Variants in NTM observed in about 807,000 individuals in gnomAD.
NTM encodes IgLON family member 2.
In NTM, 13 loss-of-function variants were observed where a neutral mutation model predicts 42.1. The ratio of observed to expected loss-of-function variants is 0.31; its 90% confidence interval spans 0.20 to 0.49. The LOEUF is 0.49. NTM is among the 20% of genes least tolerant of loss of function. NTM has a pLI of 0.99. For synonymous variants in NTM, 187 were observed against 179.2 expected, an observed-to-expected ratio of 1.04 and a Z score of -0.35; for missense variants, 373 against 452.8, an observed-to-expected ratio of 0.82 and a Z score of 1.60.
At chr11:131,625,061 T>C (rs1266188382) in intron 1 of NTM, among the ~76,000 whole-genome samples, 12 of 152,242 alleles carry the variant, frequency 7.9e-5, no homozygotes, top group Non-Finnish European at 2.9e-5. Flanking sequence ...GTCACTGAGC[T>C]GGAAACAGTT....
chr11:131,610,059 C>T (rs574711318), intron 1 of NTM, among the ~76,000 whole-genome samples: 1 of 152,324 alleles, frequency 6.6e-6, no homozygotes, highest in South Asian at 2.1e-4. Flanking sequence ...AATGCAAAGG[C>T]ACAGATGACT....
At chr11:131,429,201 A>G (rs1301839192) in intron 1 of NTM, among the ~76,000 whole-genome samples, 2 of 152,230 alleles carry the variant, frequency 1.3e-5, no homozygotes, top group Non-Finnish European at 2.9e-5. Context: ...AAGAAAACTG[A>G]AAATGAACGT....
intron 1 of NTM, among the ~76,000 whole-genome samples, chr11:131,695,489 A>G (rs1181395967): frequency 6.6e-6 from 1 of 152,226 alleles, no homozygotes; most frequent in African/African-American, 2.4e-5. Flanking sequence ...TGCAATTCAG[A>G]GAAGTTACAT....
intron 1 of NTM, among the ~76,000 whole-genome samples, chr11:131,505,615 A>G (rs2047389614): frequency 6.6e-6 from 1 of 152,170 alleles, no homozygotes; most frequent in African/African-American, 2.4e-5. Context: ...TCTAGGTTCT[A>G]AAACTGGCTT....
At chr11:131,401,810 A>ATATATATATATATATATATGTGTG (rs1565465172) in intron 1 of NTM, among the ~76,000 whole-genome samples, 2 of 13,956 alleles carry the variant, frequency 1.4e-4, no homozygotes, top group Non-Finnish European at 2.5e-4. Flanking sequence ...ATATATATAT[A>ATATATATATATATATATATGTGTG]TATATATATA....
At chr11:131,616,378 C>T (rs1436674932) in intron 1 of NTM, among the ~76,000 whole-genome samples, 2 of 152,096 alleles carry the variant, frequency 1.3e-5, no homozygotes, top group African/African-American at 4.8e-5. Context: ...GGGAAATGAC[C>T]GCGGACGGAG....
intron 1 of NTM, among the ~76,000 whole-genome samples, chr11:131,524,400 T>C (rs980826031): frequency 5.9e-5 from 9 of 152,128 alleles, no homozygotes; most frequent in Non-Finnish European, 7.4e-5. Flanking sequence ...ACTCTGTTAG[T>C]ATAGCAAGGC....
intron 4 of NTM, among the ~76,000 whole-genome samples, chr11:132,307,429 C>G (rs1406688255): frequency 6.6e-6 from 1 of 152,114 alleles, no homozygotes; most frequent in African/African-American, 2.4e-5. Flanking sequence ...TTATTGGGAC[C>G]AGTAATTCTC....
intron 2 of NTM, among the ~76,000 whole-genome samples, chr11:132,022,598 T>A (rs978468909): frequency 4.6e-5 from 7 of 152,178 alleles, no homozygotes; most frequent in Admixed American, 1.3e-4. Flanking sequence ...GACTGTGAAG[T>A]AAATTACAAG....
intron 3 of NTM, among the ~76,000 whole-genome samples, chr11:132,148,809 G>A (rs1017049843): frequency 1.3e-5 from 2 of 152,244 alleles, no homozygotes; most frequent in African/African-American, 4.8e-5. Flanking sequence ...TTTTGGGGGT[G>A]AGATGATGGG....
chr11:132,310,546 A>G (rs1350895201), intron 6 of NTM, among the ~76,000 whole-genome samples: 1 of 152,182 alleles, frequency 6.6e-6, no homozygotes, highest in East Asian at 1.9e-4. Flanking sequence ...GGCCAAGAAC[A>G]TAATGTGTTC....
chr11:132,316,125 C>G (rs2095422939), intron 7 of NTM, among the ~76,000 whole-genome samples: 1 of 151,282 alleles, frequency 6.6e-6, no homozygotes, highest in African/African-American at 2.4e-5. Flanking sequence ...CCCCGCCACC[C>G]CCCACTTTGA....
intron 1 of NTM, among the ~76,000 whole-genome samples, chr11:131,692,970 T>C (rs903206610): frequency 6.6e-6 from 1 of 152,104 alleles, no homozygotes; most frequent in East Asian, 1.9e-4. Context: ...GGGTTTTACA[T>C]TGTGGTTAAT....
intron 1 of NTM, among the ~76,000 whole-genome samples, chr11:131,650,943 T>A (rs2134335526): frequency 6.6e-6 from 1 of 152,316 alleles, no homozygotes; most frequent in Non-Finnish European, 1.5e-5. Context: ...TTCAATAAGT[T>A]ACATATAAAT....
chr11:131,574,561 AGTGTGTGT>A (rs3040137), intron 1 of NTM, among the ~76,000 whole-genome samples: 4 of 147,510 alleles, frequency 2.7e-5, no homozygotes, highest in South Asian at 2.2e-4. Flanking sequence ...TATGTGCTTG[AGTGTGTGT>A]GTGTGTGTGT....
chr11:131,762,125 G>C (rs760622952), intron 1 of NTM, among the ~76,000 whole-genome samples: 1 of 152,220 alleles, frequency 6.6e-6, no homozygotes, highest in Non-Finnish European at 1.5e-5. Flanking sequence ...TAATACACCA[G>C]GTTCATTTGT....
chr11:131,786,076 G>C (rs760455993), intron 1 of NTM, among the ~76,000 whole-genome samples: 1 of 152,170 alleles, frequency 6.6e-6, no homozygotes, highest in African/African-American at 2.4e-5. Flanking sequence ...TTCTTTCAGG[G>C]AGAGCCAGCA....
At chr11:132,232,286 G>A (rs1220017245) in intron 4 of NTM, among the ~76,000 whole-genome samples, 5 of 151,336 alleles carry the variant, frequency 3.3e-5, no homozygotes, top group South Asian at 2.1e-4. Context: ...TATATACCAC[G>A]TTGGCAAACA....
At chr11:131,867,220 C>G (rs2047307969) in intron 1 of NTM, among the ~76,000 whole-genome samples, 1 of 152,232 alleles carries the variant, frequency 6.6e-6, no homozygotes, top group African/African-American at 2.4e-5. Flanking sequence ...ACTTACACAT[C>G]CAGCCTGCCA....
Sources: gnomAD v4.1 joint callset for allele counts (sites outside exome capture counted in the v4.1 genomes callset) on GRCh38, gnomAD v4.1.1 for gene constraint, MANE v1.5 for transcripts, NCBI Gene and HGNC (gene_info 2026-07-23, HGNC 2026-07-21) for gene names.